Variants in TOP1 observed in about 807,000 individuals in gnomAD.
TOP1 encodes DNA topoisomerase 1.
A neutral mutation model predicts 111.1 loss-of-function variants in TOP1; 10 were observed. That is an observed-to-expected ratio of 0.09 (90% confidence interval 0.06 to 0.15). TOP1 has a LOEUF of 0.15. Ranked by LOEUF, TOP1 falls within the 10% of genes least tolerant of loss-of-function variation. TOP1 has a pLI of 1.00. For missense variants in TOP1, 474 were observed against 926.7 expected (o/e 0.51, Z 6.34); for synonymous variants, 271 against 302.9 (o/e 0.89, Z 1.10).
rs902088510 is a variant in TOP1 at position 41,083,219 on chromosome 20, A to G, written c.508-1243A>G. 6.6e-6 allele frequency among the ~76,000 whole-genome samples: 1 copy of G among 152,164 alleles called. No individual in the cohort carries two copies. Among genetic ancestry groups the G allele is most frequent in the South Asian group, 2.1e-4 (1 of 4,824 alleles). On this transcript the variant is annotated intron_variant, in intron 7 of 20. Coordinates refer to ENST00000361337, the MANE Select transcript of TOP1 (RefSeq NM_003286.4). The surrounding 1 kb of genome is among the most constrained non-coding windows in gnomAD (Gnocchi z 7.2). ...CTCAGAAGCTGTTTAGAGTATCTTC[A>G]CTGAAAAACATTTCCCTTTCCTGTG...
chr20:41,043,155 C>T (rs1178314831), intron 2 of TOP1, among the ~76,000 whole-genome samples: 1 of 152,226 alleles, frequency 6.6e-6, no homozygotes, highest in African/African-American at 2.4e-5. Flanking sequence ...GGGCCTCACC[C>T]ATACCTACTG....
intron 8 of TOP1, among the ~76,000 whole-genome samples, chr20:41,087,866 C>T (rs1245609781): frequency 6.6e-6 from 1 of 152,126 alleles, no homozygotes. Flanking sequence ...TAAATTGGTA[C>T]TTGATTATTC....
chr20:41,029,618 C>T lies in TOP1; in HGVS notation c.58+163C>T, dbSNP rs1216490316. ...TCCCATCGGGCCGCCTCTTGACCCC[C>T]TTTCCGGGGACCCCAGCTCCTCCAG... On this transcript the variant is annotated intron_variant, in intron 2 of 20. Transcript: ENST00000361337. This position sits in a 1 kb window ranked among gnomAD's most constrained non-coding sequence, Gnocchi z 6.1. The T allele has an allele frequency of 7.3e-6, 5 of 684,322 alleles. No homozygotes were observed. In the East Asian group the frequency reaches 1.5e-4, roughly 20 times the overall value. 42.4% of individuals were successfully genotyped at this position (684,322 alleles called of 1,614,324 possible). A position where few individuals can be genotyped will look rare whatever the true frequency, so the allele number is the denominator to read the frequency against.
At position 41,032,488 on chromosome 20, in the gene TOP1, C is replaced by G. The variant is rs1443192779; in HGVS notation, c.58+3033C>G. Among the ~76,000 whole-genome samples, 1 of 152,174 alleles carries G rather than the reference C, an allele frequency of 6.6e-6. No homozygotes were observed. Among genetic ancestry groups the G allele is most frequent in the Non-Finnish European group, 1.5e-5 (1 of 68,038 alleles). ...CATTATTACAGTACTGTACAGGCTGCGTAGCTATCTGTAGAATTGATAATG... is the reference window on the plus strand; with the variant it reads ...CATTATTACAGTACTGTACAGGCTGGGTAGCTATCTGTAGAATTGATAATG... On this transcript the variant is annotated intron_variant, in intron 2 of 20. Transcript: ENST00000361337. This position sits in a 1 kb window ranked among gnomAD's most constrained non-coding sequence, Gnocchi z 4.3.
intron 13 of TOP1, among the ~76,000 whole-genome samples, chr20:41,107,252 TTTATCCTAC>T (rs2034160969): frequency 6.6e-6 from 1 of 152,356 alleles, no homozygotes; most frequent in African/African-American, 2.4e-5. Context: ...ACTAATGTAT[TTTATCCTAC>T]AGTATTACCA....
chr20:41,121,080 C>G lies in TOP1; in HGVS notation c.1951-616C>G, dbSNP rs1226299212. The stretch of plus-strand genomic sequence containing the variant: ...TAAAAACAGAATGCCAAAGCTAAGC[C>G]CTGCCATGTCCTGGTTTGGGACAGA... On this transcript the variant is annotated intron_variant, in intron 18 of 20. Coordinates refer to ENST00000361337, the MANE Select transcript of TOP1 (RefSeq NM_003286.4). The surrounding 1 kb of genome is among the most constrained non-coding windows in gnomAD (Gnocchi z 4.2). 6.6e-6 allele frequency among the ~76,000 whole-genome samples: 1 copy of G among 152,148 alleles called. No individual in the cohort carries two copies. The highest frequency in any genetic ancestry group is 6.5e-5 in the Admixed American group (1 of 15,278).
At chr20:41,041,061 T>C (rs746332283) in intron 2 of TOP1, among the ~76,000 whole-genome samples, 4 of 152,170 alleles carry the variant, frequency 2.6e-5, no homozygotes, top group Admixed American at 6.5e-5. Flanking sequence ...TAGGGAAGTC[T>C]GCCTGCATTA....
At chr20:41,113,445 A>AT (rs2034274615) in intron 14 of TOP1, among the ~76,000 whole-genome samples, 1 of 152,012 alleles carries the variant, frequency 6.6e-6, no homozygotes, top group Non-Finnish European at 1.5e-5. Context: ...GAGCATGAAT[A>AT]TTTAACATCC....
chr20:41,108,562 C>T (rs1464384407), intron 13 of TOP1, among the ~76,000 whole-genome samples: 1 of 152,182 alleles, frequency 6.6e-6, no homozygotes, highest in Non-Finnish European at 1.5e-5. Context: ...GCTCTAGGTA[C>T]TGAAAAGGTT....
chr20:41,033,780 G>A (rs999132818), intron 2 of TOP1, among the ~76,000 whole-genome samples: 3 of 152,098 alleles, frequency 2.0e-5, no homozygotes, highest in African/African-American at 7.2e-5. Flanking sequence ...CATCTTTTTA[G>A]TGCAAAGTAA....
chr20:41,093,251 G>T (rs1037160858), intron 9 of TOP1, among the ~76,000 whole-genome samples: 36 of 152,202 alleles, frequency 2.4e-4, no homozygotes, highest in Admixed American at 7.2e-4. Context: ...CCTGTTGGCA[G>T]TGTAGCAGTA....
chr20:41,062,061 G>A (rs1483586759), intron 3 of TOP1, among the ~76,000 whole-genome samples: 1 of 152,098 alleles, frequency 6.6e-6, no homozygotes, highest in Non-Finnish European at 1.5e-5. Flanking sequence ...CTGCCTTTTG[G>A]GATGCAAGCC....
chr20:41,029,511 C>A lies in TOP1; in HGVS notation c.58+56C>A. The A allele has an allele frequency of 7.0e-7, 1 of 1,425,574 alleles. No individual in the cohort carries two copies. Among genetic ancestry groups the A allele is most frequent in the Non-Finnish European group, 9.6e-7 (1 of 1,037,054 alleles). The allele number at this position is 1,425,574 out of a possible 1,614,324, so 88.3% of individuals were successfully genotyped here. ...CCCCCCAGCCGCCGGCCGCCTCCCC[C>A]GCGCCCTGCCGGTGCCGGGCAGAGG... On this transcript the variant is annotated intron_variant, in intron 2 of 20. Transcript: ENST00000361337. This position sits in a 1 kb window ranked among gnomAD's most constrained non-coding sequence, Gnocchi z 6.1.
chr20:41,070,186 G>A (rs778744097), intron 3 of TOP1, among the ~76,000 whole-genome samples: 1 of 152,154 alleles, frequency 6.6e-6, no homozygotes, highest in Non-Finnish European at 1.5e-5. Flanking sequence ...TAAGAAAAAG[G>A]GTTCCTGTCT....
At position 41,029,788 on chromosome 20, in the gene TOP1, C is replaced by T. The variant is rs1302412405; in HGVS notation, c.58+333C>T. 7.4e-6 allele frequency: 3 copies of T among 407,078 alleles called. No homozygotes were observed. The highest frequency in any genetic ancestry group is 5.2e-5 in the East Asian group (1 of 19,346). The allele number at this position is 407,078 out of a possible 1,614,324, so 25.2% of individuals were successfully genotyped here. A position where few individuals can be genotyped will look rare whatever the true frequency, so the allele number is the denominator to read the frequency against. ...AGTCTCTGCGCCATTTTCTTTTTCT[C>T]TCTCCTCTCCTTTCTGTGCCTGTGT... On this transcript the variant is annotated intron_variant, in intron 2 of 20. Coordinates refer to ENST00000361337, the MANE Select transcript of TOP1 (RefSeq NM_003286.4). The surrounding 1 kb of genome is among the most constrained non-coding windows in gnomAD (Gnocchi z 6.1).
chr20:41,049,820 C>T (rs1292969759), intron 2 of TOP1, among the ~76,000 whole-genome samples: 1 of 152,178 alleles, frequency 6.6e-6, no homozygotes, highest in Non-Finnish European at 1.5e-5. Flanking sequence ...TGTCTGCCAT[C>T]TTCTTAGCTA....
chr20:41,098,103 C>T lies in TOP1; in HGVS notation c.853-112C>T. ...TTCATTAATTGAGATTGGCTACTTC[C>T]AGAAACCTTTGACTGAAAAAATGGT... is the stretch of plus-strand genomic sequence containing the variant. On this transcript the variant is annotated intron_variant, in intron 10 of 20. Transcript: ENST00000361337. This position sits in a 1 kb window ranked among gnomAD's most constrained non-coding sequence, Gnocchi z 5.7. 1.8e-6 allele frequency: 2 copies of T among 1,140,372 alleles called. No individual in the cohort carries two copies. The highest frequency in any genetic ancestry group is 2.6e-6 in the Non-Finnish European group (2 of 779,894). 70.6% of individuals were successfully genotyped at this position (1,140,372 alleles called of 1,614,324 possible).
At chr20:41,038,995 A>G (rs2033225341) in intron 2 of TOP1, among the ~76,000 whole-genome samples, 1 of 151,492 alleles carries the variant, frequency 6.6e-6, no homozygotes, top group Admixed American at 6.6e-5. Flanking sequence ...CCTGTCTCAA[A>G]AAAAAAAAAA....
At position 41,101,372 on chromosome 20, in the gene TOP1, G is replaced by A. The variant is rs1375144824; in HGVS notation, c.1308+19G>A. The A allele has an allele frequency of 6.2e-7, 1 of 1,611,398 alleles. No individual in the cohort carries two copies. Among genetic ancestry groups the A allele is most frequent in the Non-Finnish European group, 8.5e-7 (1 of 1,177,922 alleles). On this transcript the variant is annotated intron_variant, in intron 13 of 20. Transcript: ENST00000361337. This position sits in a 1 kb window ranked among gnomAD's most constrained non-coding sequence, Gnocchi z 4.1. ...AATCAAGGTAAGGGGATAGTTGAGAGCTGCACTGGTTCATGGTGCTGATAA... is the reference window on the plus strand; with the variant it reads ...AATCAAGGTAAGGGGATAGTTGAGAACTGCACTGGTTCATGGTGCTGATAA...
Sources: allele counts gnomAD v4.1 joint callset (sites outside exome capture counted in the v4.1 genomes callset), GRCh38; gene constraint gnomAD v4.1.1; non-coding constraint Gnocchi (gnomAD v3.1); transcripts MANE v1.5; gene names NCBI Gene and HGNC (gene_info 2026-07-23, HGNC 2026-07-21).